The following SARS2 variants were observed in gnomAD, a reference collection of about 807,000 sequenced individuals.
SARS2 encodes the protein serine--tRNA ligase, mitochondrial.
Under a neutral mutation model 66.8 loss-of-function variants are expected in SARS2, and 52 were observed. The ratio of observed to expected loss-of-function variants is 0.78; its 90% confidence interval spans 0.62 to 0.98. The LOEUF is 0.98. Among genes scored for constraint, SARS2 ranks in the 50% least tolerant of loss-of-function variants. The pLI, the probability that SARS2 is intolerant of heterozygous loss-of-function variation, is 0.00. For synonymous variants in SARS2, 306 were observed against 281.4 expected (o/e 1.09, Z -0.87); for missense variants, 673 against 706.3 (o/e 0.95, Z 0.53).
At chr19:38,916,002 G>T in intron 14 of SARS2, 35 bp downstream of exon 14, 1 of 1,612,148 alleles carries the variant, frequency 6.2e-7, no homozygotes, top group Non-Finnish European at 8.5e-7. Context: ...GGCTGCGGGC[G>T]AGGGCACGCG....
intron 2 of SARS2, among the ~76,000 whole-genome samples, chr19:38,923,682 T>TA (rs964094002): frequency 6.6e-6 from 1 of 151,600 alleles, no homozygotes; most frequent in Non-Finnish European, 1.5e-5. Context: ...AACCTTGTAC[T>TA]AAAAATACAA....
At chr19:38,916,349 C>T (rs757855183) in intron 12 of SARS2, 35 bp from the exon 13 acceptor site, 32 of 1,576,714 alleles carry the variant, frequency 2.0e-5, no homozygotes, top group East Asian at 4.5e-5. Context: ...GGAAGGTCAG[C>T]GGGTGAGAGG....
intron 11 of SARS2, 41 bp downstream of exon 11, chr19:38,917,880 G>A (rs767078130): frequency 5.0e-6 from 8 of 1,612,770 alleles, no homozygotes; most frequent in South Asian, 3.3e-5. Flanking sequence ...CTCTTGGGGT[G>A]GCCCCCCACC....
Position 38,915,834 on chromosome 19 carries a change from CCCT to C in SARS2, c.1413+4_1413+6del, listed in dbSNP as rs1444167639. On this transcript the variant is annotated splice_donor_5th_base_variant and intron_variant, in intron 15 of 15. Coordinates refer to ENST00000221431, the MANE Select transcript of SARS2 (RefSeq NM_017827.4). ...TGCCTCTCTGGGTGGGCCCCTCAGC[CCCT>C]CACCTTCTGCTGGTTACTCTCCAGG... 2.5e-6 allele frequency: 4 copies of C among 1,613,502 alleles called. No homozygotes were observed. Among genetic ancestry groups the C allele is most frequent in the Admixed American group, 1.7e-5 (1 of 60,006 alleles).
At chr19:38,918,263 T>C (rs1280436623) in intron 9 of SARS2, 124 bp from the exon 10 acceptor site, 3 of 1,174,036 alleles carry the variant, frequency 2.6e-6, no homozygotes, top group East Asian at 2.5e-5. Context: ...GGATTATCAC[T>C]GTACTGCTGT....
In SARS2 at chr19:38,921,389, C is replaced by T; in HGVS notation, c.589+3G>A. ...CAGCTCCCAGGCCTGGGGTGTGGCCCACCTGGCTTGTCTCCGACCATGTGG... is the reference window on the plus strand; with the variant it reads ...CAGCTCCCAGGCCTGGGGTGTGGCCTACCTGGCTTGTCTCCGACCATGTGG... On this transcript the variant is annotated splice_donor_region_variant and intron_variant, in intron 5 of 15. Coordinates refer to ENST00000221431, the MANE Select transcript of SARS2 (RefSeq NM_017827.4). 2 of 1,613,226 alleles carry T rather than the reference C, an allele frequency of 1.2e-6. No individual in the cohort carries two copies. The highest frequency in any genetic ancestry group is 1.7e-6 in the Non-Finnish European group (2 of 1,179,940).
At chr19:38,929,519 T>G (rs1409865355) in intron 1 of SARS2, among the ~76,000 whole-genome samples, 1 of 149,636 alleles carries the variant, frequency 6.7e-6, no homozygotes, top group Non-Finnish European at 1.5e-5. Context: ...TGTACCACTG[T>G]ACTCCATCCT....
At position 38,916,238 on chromosome 19, in the gene SARS2, G is replaced by A. The variant is rs1974414913; in HGVS notation, c.1237C>T (p.Arg413Ter). ...KFDIEAWMPGRGRFGEVTSAS... is the reference protein window; with the variant it reads ...KFDIEAWMPG ...GGGCTCACCTCTCCAAAGCGGCCTC[G>A]GCCTGGCATCCAGGCCTCAATGTCA... The change falls in exon 13 of 16, where the codon CGA (arginine) becomes TGA (stop). Residue 413 changes from arginine to a stop codon, truncating the protein, a stop_gained. Coordinates refer to ENST00000221431, the MANE Select transcript of SARS2 (RefSeq NM_017827.4). LOFTEE classifies it high-confidence loss of function. 2.5e-6 allele frequency: 4 copies of A among 1,613,912 alleles called. No individual in the cohort carries two copies. The highest frequency in any genetic ancestry group is 1.3e-5 in the African/African-American group (1 of 74,928).
rs943068241 is a variant in SARS2 at position 38,918,748 on chromosome 19, C to T, written c.807+18G>A. On this transcript the variant is annotated intron_variant, in intron 8 of 15. Coordinates refer to ENST00000221431, the MANE Select transcript of SARS2 (RefSeq NM_017827.4). The stretch of plus-strand genomic sequence containing the variant: ...CTGACACCCAGGTGGGCGAGGGAAG[C>T]GGAGAGGCCTCACTCACAAACACTG... The T allele has an allele frequency of 8.4e-6, 13 of 1,556,572 alleles. No individual in the cohort carries two copies. In the East Asian group the frequency reaches 9.5e-5, roughly 11 times the overall value.
Position 38,916,252 on chromosome 19 carries a change from G to C in SARS2, c.1223C>G (p.Ala408Gly). Residue 408 changes from alanine (A) to glycine (G), a missense_variant, in exon 13 of 16, where the codon GCC becomes GGC. Transcript: ENST00000221431. ...AAAGCGGCCTCGGCCTGGCATCCAG[G>C]CCTCAATGTCAAACTTGCGGTAGGC... ...LPAYRKFDIE[A>G]WMPGRGRFGE... 1 of 1,614,084 alleles carries C rather than the reference G, an allele frequency of 6.2e-7. No homozygotes were observed. The highest frequency in any genetic ancestry group is 8.5e-7 in the Non-Finnish European group (1 of 1,179,970).
chr19:38,917,608 A>C, intron 12 of SARS2, 116 bp downstream of exon 12: 2 of 754,402 alleles, frequency 2.7e-6, no homozygotes, highest in Non-Finnish European at 4.7e-6. Flanking sequence ...GTACAGGAAA[A>C]TGGGGGCAAC....
At position 38,915,886 on chromosome 19, in the gene SARS2, A is replaced by G. The variant is rs774134209; in HGVS notation, c.1368T>C (p.Ala456=). ...GGAGCGCGATGAGAAGGCGGGGGAC[A>G]GCACAGGCGGTGGCGTTCACCTGTG... ...FAHTVNATAC[A]VPRLLIALLE... is the part of the protein sequence containing the mutation. The change falls in exon 15 of 16, where the codon GCT becomes GCC. Residue 456 remains alanine, a synonymous_variant. Transcript: ENST00000221431. The G allele has an allele frequency of 3.7e-6, 6 of 1,613,928 alleles. No homozygotes were observed. In the Admixed American group the frequency reaches 5.0e-5, roughly 13 times the overall value.
In SARS2 at chr19:38,915,881, G is replaced by A; in HGVS notation, c.1373C>T (p.Pro458Leu). 5 of 1,613,902 alleles carry A rather than the reference G, an allele frequency of 3.1e-6. No homozygotes were observed. Among genetic ancestry groups the A allele is most frequent in the Non-Finnish European group, 4.2e-6 (5 of 1,180,006 alleles). The change falls in exon 15 of 16, where the codon CCC becomes CTC. Residue 458 changes from proline (P) to leucine (L), a missense_variant. Transcript: ENST00000221431. ...HTVNATACAV[P>L]RLLIALLESN... ...CTCCAGGAGCGCGATGAGAAGGCGG[G>A]GGACAGCACAGGCGGTGGCGTTCAC... is the stretch of plus-strand genomic sequence containing the variant.
chr19:38,915,530 C>T lies in SARS2; in HGVS notation c.*76G>A. On this transcript the variant is annotated 3_prime_UTR_variant, in exon 16 of 16. Coordinates refer to ENST00000221431, the MANE Select transcript of SARS2 (RefSeq NM_017827.4). ...ACAGATGTCAGGACGGGCTCAGCAA[C>T]ACAGGTCCCAGGTGTCCGGGGTCTC... 6.4e-7 allele frequency: 1 copy of T among 1,566,256 alleles called. No individual in the cohort carries two copies. The highest frequency in any genetic ancestry group is 8.7e-7 in the Non-Finnish European group (1 of 1,152,556).
At chr19:38,928,117 GC>G (rs1350904815) in intron 1 of SARS2, among the ~76,000 whole-genome samples, 1 of 148,758 alleles carries the variant, frequency 6.7e-6, no homozygotes, top group Non-Finnish European at 1.5e-5. Flanking sequence ...AGTGGCTCAT[GC>G]CTGTAATCCC....
intron 9 of SARS2, 61 bp downstream of exon 9, chr19:38,918,361 C>T (rs1215048480): frequency 2.2e-5 from 33 of 1,477,012 alleles, no homozygotes; most frequent in South Asian, 1.1e-4. Context: ...GCTCCCTGGA[C>T]GCTCCCAGTT....
At chr19:38,927,816 C>G (rs972984569) in intron 1 of SARS2, among the ~76,000 whole-genome samples, 2 of 149,372 alleles carry the variant, frequency 1.3e-5, no homozygotes, top group Non-Finnish European at 3.0e-5. Context: ...AGGTGGATCA[C>G]AAAGTTAGGA....
In SARS2 at chr19:38,919,880, C is replaced by G. The variant is rs1318906471; in HGVS notation, c.654-13G>C. 6.2e-7 allele frequency: 1 copy of G among 1,611,268 alleles called. No individual in the cohort carries two copies. Among genetic ancestry groups the G allele is most frequent in the African/African-American group, 1.3e-5 (1 of 74,872 alleles). On this transcript the variant is annotated splice_polypyrimidine_tract_variant and intron_variant, in intron 6 of 15. Transcript: ENST00000221431. Reference sequence around the variant, plus strand: ...GTGGGACAGGCGCCTGGGAGACAGACAGACAGGCGGGTGCACATGGGCCAG... The same window carrying G: ...GTGGGACAGGCGCCTGGGAGACAGAGAGACAGGCGGGTGCACATGGGCCAG...
chr19:38,926,347 A>T, intron 1 of SARS2, 47 bp from the exon 2 acceptor site: 14 of 1,567,536 alleles, frequency 8.9e-6, no homozygotes, highest in Non-Finnish European at 1.2e-5. Flanking sequence ...CATCACCCCT[A>T]CCCTTCTCTC....
Sources: gnomAD v4.1 joint callset for allele counts (sites outside exome capture counted in the v4.1 genomes callset) on GRCh38, gnomAD v4.1.1 for gene constraint, MANE v1.5 for transcripts, NCBI Gene and HGNC (gene_info 2026-07-23, HGNC 2026-07-21) for gene names.